Variants in FRY observed in about 807,000 individuals in gnomAD.
FRY encodes the protein FRY microtubule binding protein.
FRY carries 128 observed loss-of-function variants against 348.4 expected under a neutral mutation model. The ratio of observed to expected loss-of-function variants is 0.37; its 90% confidence interval spans 0.32 to 0.43. FRY has a LOEUF of 0.43. Among genes scored for constraint, FRY ranks in the 20% least tolerant of loss-of-function variants. The pLI is 1.00. For synonymous variants in FRY, 1,370 were observed against 1,374.7 expected, an observed-to-expected ratio of 1.00 and a Z score of 0.08; for missense variants, 2,736 against 3,695.2, an observed-to-expected ratio of 0.74 and a Z score of 6.73.
At position 32,130,655 on chromosome 13, in the gene FRY, T is replaced by C. The variant is rs79925238; in HGVS notation, c.717-1017T>C. On this transcript the variant is annotated intron_variant, in intron 7 of 60. Transcript: ENST00000542859. ...TGGATGATAATATTGTTGTAATTAG[T>C]ATTATTTTACTTTCGAATACAAATA... is the stretch of plus-strand genomic sequence containing the variant. Among the ~76,000 whole-genome samples, 98 of 152,300 alleles carry C rather than the reference T, an allele frequency of 6.4e-4. 1 individual carries two copies. In the East Asian group the frequency reaches 0.019, roughly 29 times the overall value.
rs537297221 is a variant in FRY, at chr13:32,166,149, T to C, written c.1893-4863T>C. On this transcript the variant is annotated intron_variant, in intron 17 of 60. Transcript: ENST00000542859. ...TTGGCAACACTGGTTTCTTTTATTT[T>C]AGGCTTCTGAGAGCCAAATCAGCTT... Among the ~76,000 whole-genome samples, 4 of 152,378 alleles carry C rather than the reference T, an allele frequency of 2.6e-5. No individual in the cohort carries two copies. In the East Asian group the frequency reaches 5.8e-4, roughly 22 times the overall value.
At chr13:32,151,584 C>G (rs763209344) in intron 14 of FRY, among the ~76,000 whole-genome samples, 2 of 152,208 alleles carry the variant, frequency 1.3e-5, no homozygotes, top group Non-Finnish European at 2.9e-5. Flanking sequence ...GCCTGGAGAT[C>G]TAAAGGATTA....
At chr13:32,038,177 A>G (rs1872613721) in intron 1 of FRY, among the ~76,000 whole-genome samples, 2 of 152,228 alleles carry the variant, frequency 1.3e-5, no homozygotes, top group Non-Finnish European at 2.9e-5. Context: ...AGATACCCAC[A>G]TGGCATCATG....
chr13:32,065,755 A>G (rs1874220244), intron 1 of FRY, among the ~76,000 whole-genome samples: 1 of 152,058 alleles, frequency 6.6e-6, no homozygotes, highest in African/African-American at 2.4e-5. Context: ...GTGTGCTACC[A>G]TGCTCAGCTA....
intron 1 of FRY, among the ~76,000 whole-genome samples, chr13:32,035,362 T>TA (rs1872457597): frequency 6.6e-6 from 1 of 152,216 alleles, no homozygotes; most frequent in African/African-American, 2.4e-5. Flanking sequence ...CTACCTCACT[T>TA]ACTATTAAAA....
chr13:32,049,204 G>A (rs1392350327), intron 1 of FRY, among the ~76,000 whole-genome samples: 2 of 152,170 alleles, frequency 1.3e-5, no homozygotes, highest in Non-Finnish European at 2.9e-5. Context: ...TGGAGACTGT[G>A]ACATTTGAAC....
chr13:32,075,012 C>T (rs908328807), intron 1 of FRY, among the ~76,000 whole-genome samples: 1 of 152,184 alleles, frequency 6.6e-6, no homozygotes, highest in African/African-American at 2.4e-5. Context: ...TTGATTCAGT[C>T]ATTGCATTTG....
chr13:32,095,825 G>T (rs1002500295), intron 2 of FRY, among the ~76,000 whole-genome samples: 1 of 152,114 alleles, frequency 6.6e-6, no homozygotes, highest in African/African-American at 2.4e-5. Flanking sequence ...CTTTTCTGAA[G>T]CAGGCCTGAG....
At chr13:32,054,496 T>G (rs978399561) in intron 1 of FRY, among the ~76,000 whole-genome samples, 1 of 152,158 alleles carries the variant, frequency 6.6e-6, no homozygotes, top group Admixed American at 6.6e-5. Flanking sequence ...TTAGTCTATG[T>G]ATATCAAGTA....
At chr13:32,290,299 G>A (rs771443272) in intron 59 of FRY, among the ~76,000 whole-genome samples, 4 of 152,158 alleles carry the variant, frequency 2.6e-5, no homozygotes, top group Non-Finnish European at 5.9e-5. Context: ...AATGTAGTCA[G>A]TGGAATAATG....
chr13:32,188,724 T>C (rs967403520), intron 28 of FRY, among the ~76,000 whole-genome samples: 1 of 152,158 alleles, frequency 6.6e-6, no homozygotes, highest in Non-Finnish European at 1.5e-5. Context: ...CCATTGTTTT[T>C]ATTGTGCTTT....
chr13:32,100,698 T>A (rs1377968592), intron 2 of FRY, among the ~76,000 whole-genome samples: 1 of 152,168 alleles, frequency 6.6e-6, no homozygotes, highest in African/African-American at 2.4e-5. Flanking sequence ...TATAACAAAT[T>A]ACTATAAAAT....
chr13:32,208,228 A>G (rs545171066), intron 31 of FRY, among the ~76,000 whole-genome samples: 13 of 152,328 alleles, frequency 8.5e-5, no homozygotes, highest in African/African-American at 2.4e-4. Flanking sequence ...AGAGATCCGC[A>G]TGTCACTTTT....
chr13:32,262,514 A>T (rs1256596553), intron 53 of FRY, 39 bp downstream of exon 53: 1 of 1,504,264 alleles, frequency 6.6e-7, no homozygotes, highest in South Asian at 1.1e-5. Context: ...TACTTCCCTT[A>T]AAACCCTTAA....
chr13:32,146,133 C>T (rs148686152), intron 11 of FRY, among the ~76,000 whole-genome samples: 2 of 151,956 alleles, frequency 1.3e-5, no homozygotes, highest in African/African-American at 4.8e-5. Flanking sequence ...CCATTTCTCT[C>T]AGATTCCATG....
chr13:32,067,334 A>T (rs936892128), intron 1 of FRY, among the ~76,000 whole-genome samples: 1 of 151,762 alleles, frequency 6.6e-6, no homozygotes, highest in African/African-American at 2.4e-5. Context: ...GTTAGACACA[A>T]GTCAGACTTT....
chr13:32,216,504 A>G (rs8002690), intron 35 of FRY, among the ~76,000 whole-genome samples: 98,645 of 152,072 alleles, frequency 0.65, 32,785 homozygotes, highest in African/African-American at 0.81. Flanking sequence ...TTCCGGGTGC[A>G]GGCCCTCCAG....
chr13:32,187,003 T>C (rs867239868), intron 27 of FRY, among the ~76,000 whole-genome samples: 4 of 152,328 alleles, frequency 2.6e-5, no homozygotes, highest in South Asian at 2.1e-4. Flanking sequence ...CCTCTTCTCC[T>C]ACTTTCCCTT....
chr13:32,229,643 G>A (rs138470637), intron 40 of FRY, among the ~76,000 whole-genome samples: 14 of 152,232 alleles, frequency 9.2e-5, no homozygotes, highest in African/African-American at 3.1e-4. Context: ...TCAGTACCAC[G>A]TGTTTGGAAT....
Sources: gnomAD v4.1 joint callset for allele counts (sites outside exome capture counted in the v4.1 genomes callset) on GRCh38, gnomAD v4.1.1 for gene constraint, MANE v1.5 for transcripts, NCBI Gene and HGNC (gene_info 2026-07-23, HGNC 2026-07-21) for gene names.